HPSE2: variants seen among roughly 807,000 people sequenced by gnomAD.
HPSE2 encodes heparanase 2 (inactive).
Under a neutral mutation model 60.5 loss-of-function variants are expected in HPSE2, and 38 were observed. That is an observed-to-expected ratio of 0.63 (90% CI 0.48 to 0.82). HPSE2 has a LOEUF of 0.82. HPSE2 is among the 40% of genes least tolerant of loss of function. HPSE2 has a pLI of 0.00. For missense variants in HPSE2, 713 were observed against 740.4 expected, an observed-to-expected ratio of 0.96 and a Z score of 0.43; for synonymous variants, 295 against 293.2, an observed-to-expected ratio of 1.01 and a Z score of -0.06.
intron 11 of HPSE2, among the ~76,000 whole-genome samples, chr10:98,475,907 C>T (rs1271212001): frequency 1.3e-5 from 2 of 152,074 alleles, no homozygotes; most frequent in Admixed American, 6.5e-5. Flanking sequence ...TTGTGGAAGT[C>T]AGTGTGGCGA....
At chr10:98,719,265 T>C (rs979134924) in intron 5 of HPSE2, among the ~76,000 whole-genome samples, 5 of 152,106 alleles carry the variant, frequency 3.3e-5, no homozygotes, top group Admixed American at 6.6e-5. Flanking sequence ...AGATATAGAA[T>C]GAATAAAACA....
At chr10:99,100,805 T>G (rs1444181377) in intron 3 of HPSE2, among the ~76,000 whole-genome samples, 1 of 152,130 alleles carries the variant, frequency 6.6e-6, no homozygotes, top group East Asian at 1.9e-4. Context: ...CGTCAGAAAC[T>G]CTACAAGCCA....
chr10:99,138,886 AT>A (rs886650073), intron 3 of HPSE2, among the ~76,000 whole-genome samples: 3 of 151,936 alleles, frequency 2.0e-5, no homozygotes, highest in African/African-American at 4.8e-5. Flanking sequence ...GAAATTAATC[AT>A]TTTTTTAAAA....
intron 2 of HPSE2, among the ~76,000 whole-genome samples, chr10:99,195,188 A>G (rs1039764825): frequency 1.2e-4 from 18 of 152,174 alleles, no homozygotes; most frequent in Non-Finnish European, 2.4e-4. Context: ...CCTTCATGAT[A>G]AAAACCCTCA....
At chr10:98,886,398 A>G (rs1953166235) in intron 3 of HPSE2, among the ~76,000 whole-genome samples, 1 of 152,152 alleles carries the variant, frequency 6.6e-6, no homozygotes, top group Non-Finnish European at 1.5e-5. Flanking sequence ...CATATGCCAA[A>G]GTTCACAAAA....
At chr10:98,690,505 A>T (rs1436496269) in intron 6 of HPSE2, among the ~76,000 whole-genome samples, 1 of 152,146 alleles carries the variant, frequency 6.6e-6, no homozygotes, top group Non-Finnish European at 1.5e-5. Context: ...GTGCCATTGC[A>T]CTCCAGCCTG....
At chr10:98,826,300 A>C (rs1951545995) in intron 3 of HPSE2, among the ~76,000 whole-genome samples, 1 of 152,232 alleles carries the variant, frequency 6.6e-6, no homozygotes, top group Admixed American at 6.5e-5. Flanking sequence ...TCAACAAAAA[A>C]GACTCTATTT....
At chr10:98,731,953 T>C (rs530736455) in intron 4 of HPSE2, among the ~76,000 whole-genome samples, 34 of 152,144 alleles carry the variant, frequency 2.2e-4, no homozygotes, top group Non-Finnish European at 2.2e-4. Flanking sequence ...GGGGATACAA[T>C]ATCAATTTAT....
intron 9 of HPSE2, among the ~76,000 whole-genome samples, chr10:98,564,450 A>G (rs1944280580): frequency 1.3e-5 from 2 of 152,140 alleles, no homozygotes; most frequent in South Asian, 2.1e-4. Flanking sequence ...TTTATGTAGT[A>G]TTCTATGTTC....
At chr10:98,513,981 G>C (rs1170520167) in intron 9 of HPSE2, among the ~76,000 whole-genome samples, 1 of 152,056 alleles carries the variant, frequency 6.6e-6, no homozygotes, top group East Asian at 1.9e-4. Context: ...ATTCACAATA[G>C]TCAAAAGGTG....
At chr10:99,164,227 T>TTATATA (rs60497589) in intron 2 of HPSE2, among the ~76,000 whole-genome samples, 2 of 34,044 alleles carry the variant, frequency 5.9e-5, no homozygotes, top group Non-Finnish European at 1.2e-4. Context: ...TATTCAAGCA[T>TTATATA]TATATATATA....
intron 3 of HPSE2, among the ~76,000 whole-genome samples, chr10:98,759,558 C>T (rs996902189): frequency 6.6e-6 from 1 of 152,016 alleles, no homozygotes; most frequent in East Asian, 1.9e-4. Context: ...TATCTCTTCC[C>T]CATTGTGAGT....
chr10:98,988,815 C>T (rs1482173763), intron 3 of HPSE2, among the ~76,000 whole-genome samples: 2 of 122,430 alleles, frequency 1.6e-5, no homozygotes, highest in African/African-American at 5.8e-5. Context: ...AACAAACAAC[C>T]CCATCAAAAA....
intron 5 of HPSE2, among the ~76,000 whole-genome samples, chr10:98,707,630 A>C (rs1948579846): frequency 6.6e-6 from 1 of 152,182 alleles, no homozygotes; most frequent in African/African-American, 2.4e-5. Flanking sequence ...GAAAATCCAT[A>C]ATATCTATAA....
In HPSE2 at chr10:98,865,372, A is replaced by C. The variant is rs556270785; in HGVS notation, c.611-121316T>G. 8.5e-5 allele frequency among the ~76,000 whole-genome samples: 13 copies of C among 152,254 alleles called. 1 individual carries two copies. In the South Asian group the frequency reaches 1.0e-3, roughly 12 times the overall value. ...AACAAGGACCAGATTCAATATATGA[A>C]ATAATGGTTTCCAAAACACTGAACA... On this transcript the variant is annotated intron_variant, in intron 3 of 11. Coordinates refer to ENST00000370552, the MANE Select transcript of HPSE2 (RefSeq NM_021828.5).
chr10:98,462,373 T>A (rs866417529), intron 11 of HPSE2, among the ~76,000 whole-genome samples: 2 of 152,108 alleles, frequency 1.3e-5, no homozygotes, highest in Non-Finnish European at 1.5e-5. Flanking sequence ...GAGACGGGGT[T>A]TCACCATGTT....
chr10:98,797,818 T>A (rs1950813856), intron 3 of HPSE2, among the ~76,000 whole-genome samples: 1 of 151,858 alleles, frequency 6.6e-6, no homozygotes, highest in Non-Finnish European at 1.5e-5. Context: ...TACTCCAGCC[T>A]GGGCGACAAA....
intron 3 of HPSE2, among the ~76,000 whole-genome samples, chr10:99,029,663 A>G (rs1398624587): frequency 6.6e-6 from 1 of 152,216 alleles, no homozygotes; most frequent in Non-Finnish European, 1.5e-5. Context: ...AGAGACTTTT[A>G]GTACTTTCAC....
chr10:98,488,597 G>C (rs75194783), intron 10 of HPSE2, among the ~76,000 whole-genome samples: 1 of 152,168 alleles, frequency 6.6e-6, no homozygotes, highest in African/African-American at 2.4e-5. Flanking sequence ...TCAGATTAGC[G>C]GTATAAAGAC....
Sources: gnomAD v4.1 joint callset for allele counts (sites outside exome capture counted in the v4.1 genomes callset) on GRCh38, gnomAD v4.1.1 for gene constraint, MANE v1.5 for transcripts, NCBI Gene and HGNC (gene_info 2026-07-23, HGNC 2026-07-21) for gene names.